The following WASHC3 variants were observed in gnomAD, a reference collection of about 807,000 sequenced individuals.
WASHC3 encodes WASH complex subunit CCDC53.
WASHC3 carries 24 observed loss-of-function variants against 26.1 expected under a neutral mutation model. The ratio of observed to expected loss-of-function variants is 0.92; its 90% confidence interval spans 0.66 to 1.29. The LOEUF is 1.29. WASHC3 is among the 50% of genes most tolerant of loss of function. WASHC3 has a pLI of 0.00. For missense variants in WASHC3, 214 were observed against 229.6 expected (o/e 0.93, Z 0.44); for synonymous variants, 77 against 75.7 (o/e 1.02, Z -0.09).
intron 6 of WASHC3, among the ~76,000 whole-genome samples, chr12:102,016,021 C>T (rs1470395936): frequency 6.6e-6 from 1 of 152,034 alleles, no homozygotes; most frequent in African/African-American, 2.4e-5. Context: ...TCCTGAGTAG[C>T]TGAGACTACA....
intron 6 of WASHC3, among the ~76,000 whole-genome samples, chr12:102,025,605 A>T (rs957053799): frequency 6.9e-6 from 1 of 145,226 alleles, no homozygotes; most frequent in African/African-American, 2.5e-5. Context: ...GGTACATAAT[A>T]ATCACCCCCC....
chr12:102,039,838 A>C (rs776182225), intron 5 of WASHC3, 30 bp downstream of exon 5: 1 of 1,060,542 alleles, frequency 9.4e-7, no homozygotes, highest in South Asian at 1.3e-5. Context: ...TGAGGCTGCT[A>C]CACAAAGAAG....
At chr12:102,032,034 G>A (rs1356455976) in intron 5 of WASHC3, among the ~76,000 whole-genome samples, 2 of 152,080 alleles carry the variant, frequency 1.3e-5, no homozygotes, top group African/African-American at 4.8e-5. Flanking sequence ...TATCTTGTTT[G>A]TCATCTAAAG....
At chr12:102,060,956 C>CAA (rs56001519) in intron 2 of WASHC3, among the ~76,000 whole-genome samples, 959 of 55,586 alleles carry the variant, frequency 0.017, 125 homozygotes, top group African/African-American at 0.061. Flanking sequence ...CCCTGTCTCA[C>CAA]AAAAAAAAAA....
At chr12:102,029,855 C>T (rs141910719) in intron 5 of WASHC3, among the ~76,000 whole-genome samples, 113 of 152,228 alleles carry the variant, frequency 7.4e-4, no homozygotes, top group Admixed American at 2.1e-3. Context: ...TTGCAGAGCA[C>T]GGGAACTAGT....
At chr12:102,015,286 G>C (rs185107338) in intron 6 of WASHC3, among the ~76,000 whole-genome samples, 1 of 150,614 alleles carries the variant, frequency 6.6e-6, no homozygotes, top group Non-Finnish European at 1.5e-5. Flanking sequence ...GTGAAACCCT[G>C]TCTCAAAAAA....
intron 5 of WASHC3, among the ~76,000 whole-genome samples, chr12:102,032,526 T>G (rs757234211): frequency 3.3e-5 from 5 of 152,100 alleles, no homozygotes; most frequent in Non-Finnish European, 5.9e-5. Context: ...TCAAAATCAA[T>G]TATCTGCCAC....
intron 2 of WASHC3, among the ~76,000 whole-genome samples, chr12:102,049,293 T>C (rs1293715722): frequency 6.6e-6 from 1 of 152,342 alleles, no homozygotes; most frequent in East Asian, 1.9e-4. Context: ...GCCACTGCTC[T>C]AAATTATGGA....
Position 102,036,668 on chromosome 12 carries a change from AAAG to A in WASHC3, c.435+3197_435+3199del, listed in dbSNP as rs531133330. ...GAATGATTGATGACTTAGCAGAGCA[AAAG>A]AAGGTCAAGTCCATGTGCCTGAAGG... On this transcript the variant is annotated intron_variant, in intron 5 of 6. Transcript: ENST00000240079. Among the ~76,000 whole-genome samples the A allele has an allele frequency of 1.5e-3, 234 of 152,282 alleles. 1 individual carries two copies. The highest frequency in any genetic ancestry group is 2.6e-3 in the Non-Finnish European group (179 of 68,012).
intron 2 of WASHC3, among the ~76,000 whole-genome samples, chr12:102,058,655 A>C (rs1048342934): frequency 6.6e-6 from 1 of 152,122 alleles, no homozygotes; most frequent in Non-Finnish European, 1.5e-5. Flanking sequence ...GGTTCCACAA[A>C]AAATTAAAAA....
At chr12:102,039,134 T>G (rs1471661594) in intron 5 of WASHC3, among the ~76,000 whole-genome samples, 9 of 146,556 alleles carry the variant, frequency 6.1e-5, no homozygotes, top group African/African-American at 1.3e-4. Context: ...TTAGGTTTTT[T>G]TTTTTTTTTT....
intron 6 of WASHC3, among the ~76,000 whole-genome samples, chr12:102,015,354 T>C (rs1177158053): frequency 1.3e-5 from 2 of 152,166 alleles, no homozygotes; most frequent in Non-Finnish European, 2.9e-5. Flanking sequence ...ATAAAATTCA[T>C]TAATTTATGT....
At chr12:102,016,846 G>A (rs1472696216) in intron 6 of WASHC3, among the ~76,000 whole-genome samples, 2 of 152,104 alleles carry the variant, frequency 1.3e-5, no homozygotes, top group Non-Finnish European at 2.9e-5. Flanking sequence ...AAGCTAAGTA[G>A]TATTACAAAA....
At position 102,033,870 on chromosome 12, in the gene WASHC3, C is replaced by T. The variant is rs1399934043; in HGVS notation, c.435+5998G>A. Among the ~76,000 whole-genome samples the T allele has an allele frequency of 2.0e-5, 3 of 151,704 alleles. No homozygotes were observed. The East Asian group carries it at 5.8e-4, about 29-fold the overall frequency. ...CATATGTACAATGGATGGTAAACTA[C>T]TCAAGGTCATACTAATGGACAAATT... On this transcript the variant is annotated intron_variant, in intron 5 of 6. Coordinates refer to ENST00000240079, the MANE Select transcript of WASHC3 (RefSeq NM_016053.4).
intron 6 of WASHC3, 49 bp from the exon 7 acceptor site, chr12:102,013,241 A>G (rs1211149203): frequency 1.6e-5 from 14 of 897,428 alleles, no homozygotes; most frequent in Middle Eastern, 4.6e-4. Context: ...AATTGAAAAG[A>G]GCACTTACAA....
intron 6 of WASHC3, among the ~76,000 whole-genome samples, chr12:102,021,851 T>C (rs1876974070): frequency 6.6e-6 from 1 of 152,056 alleles, no homozygotes; most frequent in Admixed American, 6.6e-5. Context: ...AGTTTTTTGC[T>C]TTCCAGTATC....
At chr12:102,035,858 G>A (rs751312664) in intron 5 of WASHC3, among the ~76,000 whole-genome samples, 19 of 152,192 alleles carry the variant, frequency 1.2e-4, no homozygotes, top group Non-Finnish European at 2.5e-4. Context: ...TAAAGTCATT[G>A]GATAGGTCAA....
At chr12:102,058,876 G>T (rs989548061) in intron 2 of WASHC3, among the ~76,000 whole-genome samples, 7 of 152,102 alleles carry the variant, frequency 4.6e-5, no homozygotes, top group Non-Finnish European at 1.0e-4. Flanking sequence ...CCTTAAAAAA[G>T]AATGAAATCC....
chr12:102,016,432 T>G (rs1876705197), intron 6 of WASHC3, among the ~76,000 whole-genome samples: 1 of 152,112 alleles, frequency 6.6e-6, no homozygotes, highest in Admixed American at 6.5e-5. Context: ...CTCGAACTCC[T>G]GACCTCAGGT....
Sources: gnomAD v4.1 joint callset for allele counts (sites outside exome capture counted in the v4.1 genomes callset) on GRCh38, gnomAD v4.1.1 for gene constraint, MANE v1.5 for transcripts, NCBI Gene and HGNC (gene_info 2026-07-23, HGNC 2026-07-21) for gene names.